Variants in UTP14A observed in about 807,000 individuals in gnomAD.
UTP14A encodes the protein U3 small nucleolar RNA-associated protein 14 homolog A.
UTP14A carries 5 observed loss-of-function variants against 57.2 expected under a neutral mutation model. That is an observed-to-expected ratio of 0.09 (90% CI 0.05 to 0.18). The LOEUF (loss-of-function observed/expected upper bound fraction) is 0.18. Ranked by LOEUF, UTP14A falls within the 10% of genes least tolerant of loss-of-function variation. UTP14A has a pLI of 1.00. For missense variants in UTP14A, 430 were observed against 562.1 expected, an observed-to-expected ratio of 0.76 and a Z score of 2.38; for synonymous variants, 169 against 210.9, an observed-to-expected ratio of 0.80 and a Z score of 1.72.
Position 129,908,702 on chromosome X carries a change from T to C in UTP14A, c.206T>C (p.Leu69Pro), listed in dbSNP as rs1384927940. 2 of 1,211,805 alleles carry C rather than the reference T, an allele frequency of 1.7e-6. No individual in the cohort carries two copies. Residue 69 changes from leucine to proline, a missense_variant, in exon 4 of 15, where the codon CTG (leucine) becomes CCG (proline). Leu to Pro is a moderately conservative substitution (Grantham distance 98). Around this residue, in one of 4 missense-constraint regions of UTP14A, gnomAD observed 145 missense variants for 153.5 expected, o/e 0.94. Transcript: ENST00000394422. Reference protein sequence around the residue: ...RKLAERSEASLKVSEFNVSSE... With the variant: ...RKLAERSEASPKVSEFNVSSE... ...TTGGCTGAGAGGTCTGAGGCTAGTC[T>C]GAAGGTGTCAGAGTTCAATGTCAGT...
intron 4 of UTP14A, among the ~76,000 whole-genome samples, chrX:129,909,704 CCT>C (rs1430162985): frequency 9.0e-6 from 1 of 111,326 alleles, no homozygotes; most frequent in East Asian, 2.8e-4. Flanking sequence ...TAAAATTGCC[CCT>C]GTTCAGAATA....
At chrX:129,915,457 G>A (rs751953288) in intron 6 of UTP14A, among the ~76,000 whole-genome samples, 52 of 104,836 alleles carry the variant, frequency 5.0e-4, no homozygotes, top group Non-Finnish European at 6.5e-4. Flanking sequence ...CCTGGGAGGC[G>A]GAGCTTGCAG....
chrX:129,909,364 C>T (rs1489706587), intron 4 of UTP14A, among the ~76,000 whole-genome samples: 3 of 110,643 alleles, frequency 2.7e-5, no homozygotes, highest in East Asian at 2.8e-4. Flanking sequence ...TGCCCGCCAC[C>T]GCGCCTGGCT....
intron 6 of UTP14A, chrX:129,913,379 G>GA (rs538026007): frequency 2.1e-3 from 570 of 277,786 alleles, no homozygotes; most frequent in Admixed American, 2.6e-3. Flanking sequence ...GGAGACTTTA[G>GA]AAAAAAAAAA....
At chrX:129,925,892 C>T in intron 12 of UTP14A, 27 bp from the exon 13 acceptor site, 1 of 1,205,196 alleles carries the variant, frequency 8.3e-7, no homozygotes, top group South Asian at 1.8e-5. Flanking sequence ...ATAAGCCAAG[C>T]TGTAGCTCTC....
chrX:129,925,510 C>T (rs1338767975), intron 12 of UTP14A, among the ~76,000 whole-genome samples: 3 of 111,465 alleles, frequency 2.7e-5, no homozygotes, highest in Non-Finnish European at 3.8e-5. Flanking sequence ...TGAACTGTTG[C>T]GAAAGTTTTA....
chrX:129,907,281 G>A (rs979866356), intron 1 of UTP14A, 86 bp from the exon 2 acceptor site: 8 of 727,121 alleles, frequency 1.1e-5, no homozygotes, highest in African/African-American at 2.2e-5. Flanking sequence ...TTTTAATTTC[G>A]ACTTTTATTA....
At chrX:129,920,076 C>A (rs1315048430) in intron 8 of UTP14A, among the ~76,000 whole-genome samples, 1 of 111,482 alleles carries the variant, frequency 9.0e-6, no homozygotes, top group African/African-American at 3.3e-5. Context: ...ATAGTCCCAG[C>A]TACTTAGGAG....
chrX:129,920,331 C>A, intron 8 of UTP14A, 126 bp from the exon 9 acceptor site: 1 of 981,165 alleles, frequency 1.0e-6, no homozygotes, highest in Non-Finnish European at 1.4e-6. Context: ...CTCCCTATAG[C>A]CAACTAGCTC....
intron 14 of UTP14A, among the ~76,000 whole-genome samples, chrX:129,926,668 G>C (rs1930119911): frequency 8.9e-6 from 1 of 112,177 alleles, no homozygotes; most frequent in South Asian, 3.7e-4. Context: ...TAATGAGCTA[G>C]GGATGTTTAC....
intron 12 of UTP14A, among the ~76,000 whole-genome samples, chrX:129,925,698 A>C (rs1019606508): frequency 4.5e-5 from 5 of 112,324 alleles, no homozygotes; most frequent in Non-Finnish European, 9.4e-5. Context: ...CCTTACTGAA[A>C]AGTTTAAAAT....
At chrX:129,922,593 T>G (rs2124215560) in intron 11 of UTP14A, 1 of 110,523 alleles carries the variant, frequency 9.0e-6, no homozygotes, top group African/African-American at 3.3e-5. Flanking sequence ...TGAGCTAAGT[T>G]TTTGTAGAGA....
chrX:129,908,815 A>G, intron 4 of UTP14A, 81 bp downstream of exon 4: 1 of 970,782 alleles, frequency 1.0e-6, no homozygotes, highest in South Asian at 2.0e-5. Flanking sequence ...CCCCCCTAGG[A>G]ACTGTTTTTG....
chrX:129,924,651 T>C, intron 11 of UTP14A, 144 bp from the exon 12 acceptor site: 3 of 748,990 alleles, frequency 4.0e-6, no homozygotes, highest in Non-Finnish European at 5.9e-6. Flanking sequence ...GGAGATTCAA[T>C]GTACAGAATC....
At chrX:129,920,929 A>T (rs188382256) in intron 10 of UTP14A, 177 bp downstream of exon 10, 374 of 752,785 alleles carry the variant, frequency 5.0e-4, no homozygotes, top group Middle Eastern at 4.5e-3. Flanking sequence ...GATGAAAGGG[A>T]AACAGCATTG....
At chrX:129,918,409 A>C (rs1422308096) in intron 6 of UTP14A, among the ~76,000 whole-genome samples, 1 of 108,014 alleles carries the variant, frequency 9.3e-6, no homozygotes, top group Non-Finnish European at 1.9e-5. Flanking sequence ...AAAAAAAAAA[A>C]AAAAAAACTA....
chrX:129,920,263 C>T (rs1929857264), intron 8 of UTP14A, among the ~76,000 whole-genome samples, 194 bp from the exon 9 acceptor site: 1 of 111,432 alleles, frequency 9.0e-6, no homozygotes, highest in African/African-American at 3.3e-5. Flanking sequence ...CTGCAGAGGT[C>T]CACCCTGAGG....
chrX:129,908,456 A>C (rs1450175956), intron 3 of UTP14A: 6 of 439,747 alleles, frequency 1.4e-5, no homozygotes, highest in Non-Finnish European at 2.4e-5. Flanking sequence ...TATGTTTTCC[A>C]CTATGCTTAC....
intron 6 of UTP14A, among the ~76,000 whole-genome samples, chrX:129,917,833 A>G (rs1156650646): frequency 9.0e-6 from 1 of 110,597 alleles, no homozygotes; most frequent in Non-Finnish European, 1.9e-5. Flanking sequence ...TGCCCATCCT[A>G]TATTTTTTTT....
Sources: gnomAD v4.1 joint callset for allele counts (sites outside exome capture counted in the v4.1 genomes callset) on GRCh38, gnomAD v4.1.1 for gene constraint, gnomAD v4.1.1 regional missense constraint, MANE v1.5 for transcripts, NCBI Gene and HGNC (gene_info 2026-07-23, HGNC 2026-07-21) for gene names.